Variants in RHOT1 observed in about 807,000 individuals in gnomAD.
The protein encoded by RHOT1 is mitochondrial Rho GTPase 1.
In RHOT1, 27 loss-of-function variants were observed where a neutral mutation model predicts 95.3. The ratio of observed to expected loss-of-function variants is 0.28; its 90% CI spans 0.21 to 0.39. The LOEUF (loss-of-function observed/expected upper bound fraction) is 0.39. Among genes scored for constraint, RHOT1 ranks in the 10% least tolerant of loss-of-function variants. The probability of loss-of-function intolerance (pLI) is 1.00; values close to 1 mark genes in which losing one functional copy is unlikely to be tolerated. For missense variants in RHOT1, 578 were observed against 786.7 expected (o/e 0.73, Z 3.17); for synonymous variants, 227 against 263.5 (o/e 0.86, Z 1.34).
At chr17:32,162,256 CTG>C (rs1306488315) in intron 1 of RHOT1, among the ~76,000 whole-genome samples, 3 of 152,102 alleles carry the variant, frequency 2.0e-5, no homozygotes, top group Non-Finnish European at 2.9e-5. Context: ...AGGATGAACT[CTG>C]TGGTTGAAAG....
At chr17:32,166,393 G>C (rs548223139) in intron 1 of RHOT1, among the ~76,000 whole-genome samples, 1 of 152,154 alleles carries the variant, frequency 6.6e-6, no homozygotes, top group Non-Finnish European at 1.5e-5. Flanking sequence ...GATTAGGGTG[G>C]TGATTCCTGA....
At chr17:32,142,845 C>G (rs2030575844) in intron 1 of RHOT1, 116 bp downstream of exon 1, 1 of 891,954 alleles carries the variant, frequency 1.1e-6, no homozygotes, top group Non-Finnish European at 1.8e-6. Context: ...CTTCTCGCGC[C>G]TCACAGCTCC....
At chr17:32,143,771 A>T (rs943965151) in intron 1 of RHOT1, among the ~76,000 whole-genome samples, 12 of 152,262 alleles carry the variant, frequency 7.9e-5, no homozygotes, top group African/African-American at 2.9e-4. Flanking sequence ...GAGTTAATAC[A>T]TTCGTTAATA....
At chr17:32,151,027 G>C in intron 1 of RHOT1, 1 of 1,455,118 alleles carries the variant, frequency 6.9e-7, no homozygotes, top group East Asian at 2.3e-5. Context: ...GGGAGTGGGG[G>C]AAGAGGGGAG....
At chr17:32,175,670 A>C (rs1380875547) in intron 4 of RHOT1, among the ~76,000 whole-genome samples, 1 of 152,114 alleles carries the variant, frequency 6.6e-6, no homozygotes, top group Non-Finnish European at 1.5e-5. Flanking sequence ...TAACCAGGCT[A>C]GTCTCAAACT....
intron 8 of RHOT1, among the ~76,000 whole-genome samples, chr17:32,184,723 C>A (rs2035900747): frequency 6.6e-6 from 1 of 151,642 alleles, no homozygotes; most frequent in East Asian, 2.0e-4. Context: ...GTCTCAAACT[C>A]CTGGGCTCAG....
chr17:32,182,739 G>A lies in RHOT1; in HGVS notation c.330-18G>A, dbSNP rs761057041. 9 of 1,380,976 alleles carry A rather than the reference G, an allele frequency of 6.5e-6. No individual in the cohort carries two copies. The East Asian group carries it at 2.1e-4, about 32-fold the overall frequency. 85.5% of individuals were successfully genotyped at this position (1,380,976 alleles called of 1,614,324 possible). On this transcript the variant is annotated intron_variant, in intron 6 of 19. Coordinates refer to ENST00000545287, the MANE Select transcript of RHOT1 (RefSeq NM_001033566.3). ...TGTCTTTTGCCTTCCTTATTACAAT[G>A]TGCCCTGTTTATTTTAGGCTGCCTT...
chr17:32,147,276 C>T (rs2031502483), intron 1 of RHOT1, among the ~76,000 whole-genome samples: 1 of 152,010 alleles, frequency 6.6e-6, no homozygotes, highest in Non-Finnish European at 1.5e-5. Context: ...AACTCCTGAC[C>T]TCAAATGATC....
chr17:32,175,226 G>T, intron 3 of RHOT1, 93 bp from the exon 4 acceptor site: 2 of 1,019,634 alleles, frequency 2.0e-6, no homozygotes, highest in Non-Finnish European at 3.1e-6. Context: ...CATTTTGAGG[G>T]ATGTTAGATG....
intron 19 of RHOT1, among the ~76,000 whole-genome samples, chr17:32,212,299 A>C (rs1040342580): frequency 1.3e-5 from 2 of 152,226 alleles, no homozygotes; most frequent in African/African-American, 4.8e-5. Flanking sequence ...CTGATTTTGA[A>C]GGCATTCTGA....
At chr17:32,153,631 C>T (rs2032590068) in intron 1 of RHOT1, among the ~76,000 whole-genome samples, 1 of 152,112 alleles carries the variant, frequency 6.6e-6, no homozygotes, top group Non-Finnish European at 1.5e-5. Flanking sequence ...TGTACTCTTG[C>T]CTGGGCAAAA....
At chr17:32,185,709 CT>C (rs57965854) in intron 8 of RHOT1, among the ~76,000 whole-genome samples, 8,459 of 126,734 alleles carry the variant, frequency 0.067, 506 homozygotes, top group African/African-American at 0.17. Flanking sequence ...TGCCCGGCCT[CT>C]TTTTTTTTTT....
Position 32,179,379 on chromosome 17 carries a change from G to A in RHOT1, c.329+3166G>A, listed in dbSNP as rs576364682. 4 of 148,666 alleles carry A rather than the reference G, an allele frequency of 2.7e-5. No individual in the cohort carries two copies. In the East Asian group the frequency reaches 8.3e-4, roughly 31 times the overall value. The allele number at this position is 148,666 out of a possible 1,614,324, so 9.2% of individuals were successfully genotyped here. A position where few individuals can be genotyped will look rare whatever the true frequency, so the allele number is the denominator to read the frequency against. ...GCGCCTCTACCTGGCTGCCCCATCT[G>A]GGAAATGGGAAGCACCTCTGCCCGG... On this transcript the variant is annotated intron_variant, in intron 6 of 19. Coordinates refer to ENST00000545287, the MANE Select transcript of RHOT1 (RefSeq NM_001033566.3).
At chr17:32,211,923 G>T (rs1041674393) in intron 19 of RHOT1, among the ~76,000 whole-genome samples, 4 of 152,112 alleles carry the variant, frequency 2.6e-5, no homozygotes, top group Non-Finnish European at 5.9e-5. Flanking sequence ...GAAAAAAAAA[G>T]GATGCATATA....
intron 6 of RHOT1, among the ~76,000 whole-genome samples, chr17:32,177,768 AAG>A (rs1555553815): frequency 6.7e-6 from 1 of 150,362 alleles, no homozygotes; most frequent in African/African-American, 2.4e-5. Flanking sequence ...AAAAAAAAAA[AAG>A]AGCCCCATCG....
At chr17:32,182,060 A>G (rs2035680131) in intron 6 of RHOT1, among the ~76,000 whole-genome samples, 1 of 152,126 alleles carries the variant, frequency 6.6e-6, no homozygotes, top group African/African-American at 2.4e-5. Context: ...TCACCTTTAC[A>G]TAGGGAGTTT....
chr17:32,181,994 C>G lies in RHOT1; in HGVS notation c.330-763C>G, dbSNP rs191918316. 3.9e-5 allele frequency among the ~76,000 whole-genome samples: 6 copies of G among 152,294 alleles called. No individual in the cohort carries two copies. In the East Asian group the frequency reaches 7.7e-4, roughly 20 times the overall value. On this transcript the variant is annotated intron_variant, in intron 6 of 19. Transcript: ENST00000545287. ...TGCTGTTCCTTCCTCCTCGCTTGCTCTTCCCTGACTCTACATGGCAGATTT... is the reference window on the plus strand; with the variant it reads ...TGCTGTTCCTTCCTCCTCGCTTGCTGTTCCCTGACTCTACATGGCAGATTT...
chr17:32,188,722 T>G (rs529049861), intron 8 of RHOT1, among the ~76,000 whole-genome samples: 1 of 152,346 alleles, frequency 6.6e-6, no homozygotes, highest in South Asian at 2.1e-4. Context: ...CAAAAAAACT[T>G]TGTAGAAGTT....
intron 1 of RHOT1, among the ~76,000 whole-genome samples, chr17:32,158,823 G>A (rs187779760): frequency 2.6e-5 from 4 of 152,274 alleles, no homozygotes; most frequent in East Asian, 3.9e-4. Context: ...TCTGAGTTCC[G>A]ACACCAATTT....
Sources: allele counts gnomAD v4.1 joint callset (sites outside exome capture counted in the v4.1 genomes callset), GRCh38; gene constraint gnomAD v4.1.1; transcripts MANE v1.5; gene names NCBI Gene and HGNC (gene_info 2026-07-23, HGNC 2026-07-21).